Variants in ACYP2 observed in about 807,000 individuals in gnomAD.
ACYP2 encodes acylphosphatase 2.
In ACYP2, 12 loss-of-function variants were observed where a neutral mutation model predicts 11.2. The ratio of observed to expected loss-of-function variants is 1.08; its 90% CI spans 0.69 to 1.74. The LOEUF (loss-of-function observed/expected upper bound fraction) is 1.74. ACYP2 is among the 40% of genes most tolerant of loss of function. The pLI is 0.00. For synonymous variants in ACYP2, 43 were observed against 32.2 expected, an observed-to-expected ratio of 1.33 and a Z score of -1.13; for missense variants, 134 against 101.9, an observed-to-expected ratio of 1.31 and a Z score of -1.35.
chr2:53,981,855 A>G (rs955474531), intron 2 of ACYP2, among the ~76,000 whole-genome samples: 4 of 152,216 alleles, frequency 2.6e-5, no homozygotes, highest in African/African-American at 9.6e-5. Flanking sequence ...TCGCCTAACA[A>G]TACATTTCTC....
chr2:54,023,447 A>G (rs1674108553), intron 2 of ACYP2, among the ~76,000 whole-genome samples: 1 of 152,150 alleles, frequency 6.6e-6, no homozygotes, highest in Non-Finnish European at 1.5e-5. Flanking sequence ...CCTGATTTTT[A>G]GAGCAACTTT....
chr2:54,107,044 C>T (rs118125357), intron 4 of ACYP2, among the ~76,000 whole-genome samples: 1 of 152,118 alleles, frequency 6.6e-6, no homozygotes, highest in East Asian at 1.9e-4. Context: ...AGTGTGTCAC[C>T]GAAATGAAAG....
chr2:54,196,211 T>C (rs1363849429), intron 6 of ACYP2, among the ~76,000 whole-genome samples: 2 of 152,100 alleles, frequency 1.3e-5, no homozygotes, highest in Non-Finnish European at 2.9e-5. Context: ...ATATTTTATT[T>C]TTTCAGACAG....
At chr2:54,157,963 G>C (rs975762327) in intron 6 of ACYP2, among the ~76,000 whole-genome samples, 4 of 152,132 alleles carry the variant, frequency 2.6e-5, no homozygotes, top group African/African-American at 7.2e-5. Context: ...ATTGTATATA[G>C]GGAATTTGAA....
At chr2:54,148,418 C>G (rs962938693) in intron 6 of ACYP2, among the ~76,000 whole-genome samples, 1 of 152,104 alleles carries the variant, frequency 6.6e-6, no homozygotes, top group South Asian at 2.1e-4. Context: ...GAAAATTAAG[C>G]GAGAAAATCC....
chr2:54,150,868 A>G (rs1572859290), intron 6 of ACYP2, among the ~76,000 whole-genome samples: 2 of 151,278 alleles, frequency 1.3e-5, no homozygotes, highest in Admixed American at 1.3e-4. Context: ...CAGCCTCCCG[A>G]GTAGCTGGGA....
intron 2 of ACYP2, among the ~76,000 whole-genome samples, chr2:54,007,974 A>G (rs55692047): frequency 0.26 from 39,691 of 152,176 alleles, 5,843 homozygotes; most frequent in South Asian, 0.47. Context: ...ATTCTTCCCA[A>G]AGTTAGCTCG....
Position 54,236,675 on chromosome 2 carries a change from T to C in ACYP2, c.405-68013T>C, listed in dbSNP as rs551138491. On this transcript the variant is annotated intron_variant, in intron 6 of 6. Transcript: ENST00000607452. ...TATTCTGATGTTTCAAGGTAGAGTA[T>C]TGTATTTGTGACTATTAGGTCAAAT... Among the ~76,000 whole-genome samples the C allele has an allele frequency of 3.9e-5, 6 of 152,336 alleles. No homozygotes were observed. The South Asian group carries it at 8.3e-4, about 21-fold the overall frequency.
At chr2:53,987,981 G>A (rs1012628037) in intron 2 of ACYP2, among the ~76,000 whole-genome samples, 20 of 152,034 alleles carry the variant, frequency 1.3e-4, no homozygotes, top group African/African-American at 4.6e-4. Context: ...TCTCTTAAAG[G>A]GATCTTTTAC....
At chr2:54,249,555 C>CAGAGGG (rs1473014651) in intron 6 of ACYP2, among the ~76,000 whole-genome samples, 2 of 152,022 alleles carry the variant, frequency 1.3e-5, no homozygotes, top group East Asian at 3.8e-4. Flanking sequence ...AAAGAAAAGC[C>CAGAGGG]AGAGGGAGGT....
intron 4 of ACYP2, among the ~76,000 whole-genome samples, chr2:54,099,295 C>T (rs1295677476): frequency 6.6e-6 from 1 of 152,166 alleles, no homozygotes; most frequent in Non-Finnish European, 1.5e-5. Context: ...GAGAACACTT[C>T]GAATCTACTC....
At chr2:53,972,131 A>T (rs1198265020) in intron 1 of ACYP2, among the ~76,000 whole-genome samples, 1 of 151,200 alleles carries the variant, frequency 6.6e-6, no homozygotes, top group Admixed American at 6.6e-5. Flanking sequence ...AACATGGTGA[A>T]ACCCCGTCTC....
At chr2:54,096,426 G>T (rs927342475) in intron 4 of ACYP2, among the ~76,000 whole-genome samples, 1 of 152,076 alleles carries the variant, frequency 6.6e-6, no homozygotes, top group African/African-American at 2.4e-5. Context: ...CTTCCCAGAC[G>T]GGGTGGCGGC....
At chr2:54,121,758 A>C (rs73935070) in intron 4 of ACYP2, among the ~76,000 whole-genome samples, 2,570 of 152,298 alleles carry the variant, frequency 0.017, 79 homozygotes, top group African/African-American at 0.059. Context: ...TATCCTTTTA[A>C]TCATTCTGCT....
At chr2:54,058,561 T>C (rs1676286253) in intron 4 of ACYP2, among the ~76,000 whole-genome samples, 1 of 152,180 alleles carries the variant, frequency 6.6e-6, no homozygotes, top group African/African-American at 2.4e-5. Context: ...GTGTTGGTCA[T>C]TGGTAACCCA....
intron 2 of ACYP2, among the ~76,000 whole-genome samples, chr2:53,978,991 G>T (rs973643621): frequency 6.6e-6 from 1 of 151,528 alleles, no homozygotes; most frequent in African/African-American, 2.4e-5. Context: ...ATAAACGACT[G>T]TTACTAGTTT....
At chr2:54,064,463 A>T (rs1011999924) in intron 4 of ACYP2, among the ~76,000 whole-genome samples, 3 of 99,590 alleles carry the variant, frequency 3.0e-5, no homozygotes, top group African/African-American at 8.5e-5. Context: ...TGGGGGCCAT[A>T]TCTTTTATAA....
chr2:54,292,608 C>A (rs1385831405), intron 6 of ACYP2, among the ~76,000 whole-genome samples: 1 of 151,420 alleles, frequency 6.6e-6, no homozygotes, highest in Non-Finnish European at 1.5e-5. Flanking sequence ...AGAATTTTAG[C>A]CAGTTTTGCA....
chr2:54,280,089 G>C (rs888742347), intron 6 of ACYP2, among the ~76,000 whole-genome samples: 4 of 152,132 alleles, frequency 2.6e-5, no homozygotes, highest in Admixed American at 2.6e-4. Context: ...CAAACACCAT[G>C]ATAGGAAAGT....
Sources: gnomAD v4.1 joint callset for allele counts (sites outside exome capture counted in the v4.1 genomes callset) on GRCh38, gnomAD v4.1.1 for gene constraint, MANE v1.5 for transcripts, NCBI Gene and HGNC (gene_info 2026-07-23, HGNC 2026-07-21) for gene names.